DPP6: variants seen among roughly 807,000 people sequenced by gnomAD.
DPP6 encodes the protein dipeptidyl peptidase like 6, also known as A-type potassium channel modulatory protein DPP6.
In DPP6, 69 loss-of-function variants were observed where a neutral mutation model predicts 122.6. The ratio of observed to expected loss-of-function variants is 0.56; its 90% CI spans 0.46 to 0.69. The LOEUF (loss-of-function observed/expected upper bound fraction) is 0.69. Ranked by LOEUF, DPP6 falls within the 30% of genes least tolerant of loss-of-function variation. DPP6 has a pLI of 0.00. For synonymous variants in DPP6, 418 were observed against 433.1 expected (o/e 0.97, Z 0.43); for missense variants, 928 against 1,116.9 (o/e 0.83, Z 2.41).
intron 1 of DPP6, among the ~76,000 whole-genome samples, chr7:154,321,521 G>A (rs898721157): frequency 6.6e-6 from 1 of 151,874 alleles, no homozygotes; most frequent in African/African-American, 2.4e-5. Flanking sequence ...GGTCGCTCAC[G>A]TCTGTAATCC....
chr7:154,889,432 C>CT (rs11335725), intron 24 of DPP6, 25 bp from the exon 25 acceptor site: 48,846 of 1,456,706 alleles, frequency 0.034, 45 homozygotes, highest in African/African-American at 0.05. Context: ...GTCTTCCTCT[C>CT]TTTTTTTTTT....
chr7:154,093,022 G>A, intron 1 of DPP6: 1 of 151,950 alleles, frequency 6.6e-6, no homozygotes. Context: ...GGGCAGGTGA[G>A]GCAAGCACCA....
intron 5 of DPP6, among the ~76,000 whole-genome samples, chr7:154,617,554 A>G (rs1265963686): frequency 6.6e-6 from 1 of 152,176 alleles, no homozygotes; most frequent in East Asian, 1.9e-4. Flanking sequence ...CTCTCTGACA[A>G]TTGTGATATG....
intron 1 of DPP6, among the ~76,000 whole-genome samples, chr7:154,323,555 T>C (rs1808162018): frequency 6.6e-6 from 1 of 152,202 alleles, no homozygotes; most frequent in South Asian, 2.1e-4. Flanking sequence ...CTGCTTTTGG[T>C]CCCCTAACCA....
At chr7:154,499,047 G>A (rs73729314) in intron 3 of DPP6, among the ~76,000 whole-genome samples, 12,067 of 152,140 alleles carry the variant, frequency 0.079, 1,535 homozygotes, top group African/African-American at 0.27. Flanking sequence ...CATCTGTCTC[G>A]TGGCCCTGAG....
At chr7:154,369,181 C>A (rs929841245) in intron 1 of DPP6, among the ~76,000 whole-genome samples, 1 of 152,158 alleles carries the variant, frequency 6.6e-6, no homozygotes, top group Admixed American at 6.5e-5. Context: ...CTGAAACCTC[C>A]AACTCTGGGT....
At chr7:154,868,760 C>A (rs2150628186) in intron 18 of DPP6, among the ~76,000 whole-genome samples, 1 of 152,328 alleles carries the variant, frequency 6.6e-6, no homozygotes, top group Admixed American at 6.5e-5. Context: ...CCCAAGTCAC[C>A]CGGCTGGCCC....
chr7:154,779,060 A>ACCACTATCACCACCACCC (rs1796822452), intron 10 of DPP6, among the ~76,000 whole-genome samples: 14 of 2,198 alleles, frequency 6.4e-3, no homozygotes, highest in Non-Finnish European at 9.3e-3. Context: ...CCCCACCATC[A>ACCACTATCACCACCACCC]CCACCATCAC....
the DPP6 span, among the ~76,000 whole-genome samples, chr7:153,794,305 C>T: frequency 6.6e-6 from 1 of 152,200 alleles, no homozygotes; most frequent in East Asian, 1.9e-4. Flanking sequence ...ACCATGGGAA[C>T]CCACCTCTTG....
rs140228109 is a variant in DPP6, at chr7:154,483,378, G to A, written c.457+8341G>A. On this transcript the variant is annotated intron_variant, in intron 3 of 25. Coordinates refer to ENST00000377770, the MANE Select transcript of DPP6 (RefSeq NM_130797.4). The surrounding 1 kb of genome is among the most constrained non-coding windows in gnomAD (Gnocchi z 8.1). ...TTCTTTCTGTTAAAGGTAAACTGAGGCACAATACAATTTTTTTTTTTTTAA... is the reference window on the plus strand; with the variant it reads ...TTCTTTCTGTTAAAGGTAAACTGAGACACAATACAATTTTTTTTTTTTTAA... 5.6e-3 allele frequency among the ~76,000 whole-genome samples: 754 copies of A among 133,550 alleles called. 8 individuals are homozygous for A. Among genetic ancestry groups the A allele is most frequent in the Non-Finnish European group, 7.0e-3 (442 of 62,832 alleles). The allele number at this position is 133,550 out of a possible 152,430, so 87.6% of individuals were successfully genotyped here.
chr7:153,997,292 G>T (rs959236958), intron 1 of DPP6, among the ~76,000 whole-genome samples: 5 of 152,088 alleles, frequency 3.3e-5, no homozygotes, highest in African/African-American at 1.2e-4. Flanking sequence ...CTTCCTTCTG[G>T]GTGAAGCTCA....
intron 1 of DPP6, chr7:154,095,529 C>T (rs1300235888): frequency 7.1e-6 from 1 of 140,918 alleles, no homozygotes; most frequent in Non-Finnish European, 1.6e-5. Context: ...AAAGCAGCAC[C>T]AGTCCTAATT....
rs1322954942 is a variant in DPP6, at chr7:154,827,733, G to C, written c.1666+20621G>C. Among the ~76,000 whole-genome samples, 12 of 121,704 alleles carry C rather than the reference G, an allele frequency of 9.9e-5. 1 individual carries two copies. The highest frequency in any genetic ancestry group is 3.8e-4 in the African/African-American group (12 of 31,352). The allele number at this position is 121,704 out of a possible 152,430, so 79.8% of individuals were successfully genotyped here. On this transcript the variant is annotated intron_variant, in intron 16 of 25. Coordinates refer to ENST00000377770, the MANE Select transcript of DPP6 (RefSeq NM_130797.4). ...CCAGAAAGGACGGCTGGCGGGGGGG[G>C]GGTGGTGTCGGAGCCCAAGTGGAGT...
chr7:154,520,874 C>T (rs903399440), intron 3 of DPP6, among the ~76,000 whole-genome samples: 33 of 152,224 alleles, frequency 2.2e-4, no homozygotes, highest in East Asian at 5.8e-4. Context: ...TTATCAGTAA[C>T]GCAAAATATA....
intron 1 of DPP6, among the ~76,000 whole-genome samples, chr7:154,069,579 G>C (rs925057929): frequency 2.2e-4 from 34 of 151,860 alleles, no homozygotes; most frequent in African/African-American, 8.0e-4. Context: ...TGAGAGCTAG[G>C]TTGTCATGGA....
the DPP6 span, among the ~76,000 whole-genome samples, chr7:153,771,185 A>G: frequency 5.3e-5 from 8 of 152,240 alleles, no homozygotes; most frequent in African/African-American, 1.9e-4. Context: ...AGACACACAC[A>G]CATACCATGT....
At chr7:153,986,643 TGAAAGTTTTAGCAG>T (rs1314349397) in intron 1 of DPP6, among the ~76,000 whole-genome samples, 1 of 152,226 alleles carries the variant, frequency 6.6e-6, no homozygotes, top group African/African-American at 2.4e-5. Context: ...CATTGAATGC[TGAAAGTTTTAGCAG>T]GAATCGTTGG....
At chr7:153,802,070 G>A in the DPP6 span, among the ~76,000 whole-genome samples, 7 of 152,326 alleles carry the variant, frequency 4.6e-5, no homozygotes, top group Non-Finnish European at 7.3e-5. Context: ...TGGCAATGCC[G>A]AGATGTTGAA....
At chr7:153,827,320 A>T in the DPP6 span, among the ~76,000 whole-genome samples, 1 of 152,190 alleles carries the variant, frequency 6.6e-6, no homozygotes, top group Non-Finnish European at 1.5e-5. Flanking sequence ...AGTTTATGTC[A>T]TATGTTGTAC....
Sources: allele counts gnomAD v4.1 joint callset (sites outside exome capture counted in the v4.1 genomes callset), GRCh38; gene constraint gnomAD v4.1.1; non-coding constraint Gnocchi (gnomAD v3.1); transcripts MANE v1.5; gene names NCBI Gene and HGNC (gene_info 2026-07-23, HGNC 2026-07-21).